Variants in MSH4 observed in about 807,000 individuals in gnomAD.
The protein encoded by MSH4 is mutS homolog 4, also known as mutS protein homolog 4.
A neutral mutation model predicts 113.7 loss-of-function variants in MSH4; 106 were observed. The ratio of observed to expected loss-of-function variants is 0.93; its 90% CI spans 0.80 to 1.10. MSH4 has a LOEUF of 1.10. Among genes scored for constraint, MSH4 ranks in the 50% least tolerant of loss-of-function variants. The pLI is 0.00. For synonymous variants in MSH4, 368 were observed against 380.2 expected (o/e 0.97, Z 0.37); for missense variants, 1,061 against 1,093.7 (o/e 0.97, Z 0.42).
chr1:75,894,113 C>T (rs1652320514), intron 17 of MSH4, among the ~76,000 whole-genome samples: 1 of 152,132 alleles, frequency 6.6e-6, no homozygotes, highest in Non-Finnish European at 1.5e-5. Context: ...TCTGTTGTCA[C>T]TCTTCTATAT....
chr1:75,866,668 A>G (rs1039306105), intron 8 of MSH4, among the ~76,000 whole-genome samples: 6 of 152,084 alleles, frequency 3.9e-5, no homozygotes, highest in African/African-American at 1.4e-4. Context: ...CAGTGGGGCT[A>G]TAGACCACGG....
At chr1:75,805,955 G>A (rs1650050110) in intron 2 of MSH4, among the ~76,000 whole-genome samples, 1 of 151,928 alleles carries the variant, frequency 6.6e-6, no homozygotes, top group African/African-American at 2.4e-5. Flanking sequence ...TATTAACAAT[G>A]TGTAAGAGTC....
At chr1:75,828,301 T>C (rs1650601942) in intron 7 of MSH4, among the ~76,000 whole-genome samples, 1 of 152,184 alleles carries the variant, frequency 6.6e-6, no homozygotes, top group East Asian at 1.9e-4. Flanking sequence ...GCAATCCCAT[T>C]ACTGGATATA....
chr1:75,878,064 TATC>T (rs1651852749), intron 10 of MSH4, 82 bp from the exon 11 acceptor site: 2 of 999,042 alleles, frequency 2.0e-6, no homozygotes, highest in Non-Finnish European at 2.9e-6. Context: ...AAAAATTTGC[TATC>T]ATCAATTGTG....
chr1:75,832,659 C>T (rs1650728463), intron 7 of MSH4, among the ~76,000 whole-genome samples: 2 of 152,134 alleles, frequency 1.3e-5, no homozygotes, highest in Non-Finnish European at 2.9e-5. Context: ...CGTAATCCAT[C>T]ACATAAACAG....
chr1:75,820,386 A>T (rs1307686788), intron 6 of MSH4, among the ~76,000 whole-genome samples: 2 of 152,226 alleles, frequency 1.3e-5, no homozygotes, highest in Non-Finnish European at 2.9e-5. Context: ...ATAGTTTCAG[A>T]AGGAATGGTA....
At chr1:75,885,413 C>T in intron 15 of MSH4, among the ~76,000 whole-genome samples, 1 of 123,028 alleles carries the variant, frequency 8.1e-6, no homozygotes, top group African/African-American at 3.1e-5. Context: ...CTCCACCTCC[C>T]ACCTCAGTTG....
At chr1:75,890,133 T>G (rs1476540844) in intron 16 of MSH4, among the ~76,000 whole-genome samples, 3 of 152,052 alleles carry the variant, frequency 2.0e-5, no homozygotes, top group Non-Finnish European at 4.4e-5. Context: ...ATTCTATTTT[T>G]GAGAAAGAGG....
At chr1:75,885,785 T>C (rs1260590508) in intron 15 of MSH4, among the ~76,000 whole-genome samples, 2 of 116,832 alleles carry the variant, frequency 1.7e-5, no homozygotes, top group Non-Finnish European at 3.2e-5. Context: ...TATTATATAG[T>C]ATATATACTA....
chr1:75,807,213 C>A, intron 3 of MSH4, 72 bp downstream of exon 3: 1 of 1,240,922 alleles, frequency 8.1e-7, no homozygotes, highest in Non-Finnish European at 1.1e-6. Context: ...AGTGCCTTCC[C>A]AATTTGTTTA....
At chr1:75,908,626 C>T (rs1652720905) in intron 19 of MSH4, among the ~76,000 whole-genome samples, 1 of 152,190 alleles carries the variant, frequency 6.6e-6, no homozygotes, top group Non-Finnish European at 1.5e-5. Flanking sequence ...TTGGGGAGAT[C>T]ATAGTTTCCT....
chr1:75,810,480 C>T (rs1650167975), intron 3 of MSH4, among the ~76,000 whole-genome samples: 1 of 147,264 alleles, frequency 6.8e-6, no homozygotes, highest in Non-Finnish European at 1.5e-5. Flanking sequence ...GTCTCGAACT[C>T]CTGGCCTCAA....
chr1:75,878,945 T>C (rs769182321), intron 11 of MSH4, 47 bp from the exon 12 acceptor site: 1 of 1,531,772 alleles, frequency 6.5e-7, no homozygotes, highest in Non-Finnish European at 9.0e-7. Flanking sequence ...CTCATTAAAA[T>C]TTATTCATTT....
In MSH4 at chr1:75,837,386, CTTTT is replaced by C. The variant is rs34812368; in HGVS notation, c.1163-10806_1163-10803del. On this transcript the variant is annotated intron_variant, in intron 7 of 19. Coordinates refer to ENST00000263187, the MANE Select transcript of MSH4 (RefSeq NM_002440.4). The stretch of plus-strand genomic sequence containing the variant: ...AAACTTAATGTACCCAAATTGTGCC[CTTTT>C]TTTTTTTTTTTTTTTTGAGACGGAG... Among the ~76,000 whole-genome samples, 50 of 106,600 alleles carry C rather than the reference CTTTT, an allele frequency of 4.7e-4. 1 individual carries two copies. Among genetic ancestry groups the C allele is most frequent in the African/African-American group, 1.4e-3 (42 of 29,068 alleles). 69.9% of individuals were successfully genotyped at this position (106,600 alleles called of 152,430 possible).
intron 8 of MSH4, among the ~76,000 whole-genome samples, chr1:75,863,777 C>A (rs1651509249): frequency 6.6e-6 from 1 of 152,144 alleles, no homozygotes; most frequent in Non-Finnish European, 1.5e-5. Context: ...TCATTTTCTT[C>A]TTTTGCCTTC....
intron 19 of MSH4, among the ~76,000 whole-genome samples, chr1:75,908,631 T>C (rs1235842119): frequency 6.6e-6 from 1 of 152,230 alleles, no homozygotes; most frequent in Non-Finnish European, 1.5e-5. Context: ...GAGATCATAG[T>C]TTCCTGTTTG....
intron 18 of MSH4, among the ~76,000 whole-genome samples, chr1:75,899,332 T>C (rs1310111218): frequency 6.6e-6 from 1 of 152,182 alleles, no homozygotes; most frequent in Admixed American, 6.5e-5. Flanking sequence ...TTCAATATTA[T>C]TATTTTCTAA....
intron 7 of MSH4, among the ~76,000 whole-genome samples, chr1:75,829,520 C>A (rs1650635475): frequency 6.6e-6 from 1 of 152,354 alleles, no homozygotes; most frequent in East Asian, 1.9e-4. Context: ...AGTAGCCTAA[C>A]TGGGAGGCAT....
chr1:75,853,944 G>A (rs1651251855), intron 8 of MSH4, among the ~76,000 whole-genome samples: 1 of 146,402 alleles, frequency 6.8e-6, no homozygotes, highest in Non-Finnish European at 1.5e-5. Flanking sequence ...TGAGCACCAG[G>A]TGTACTTATT....
Sources: gnomAD v4.1 joint callset for allele counts (sites outside exome capture counted in the v4.1 genomes callset) on GRCh38, gnomAD v4.1.1 for gene constraint, MANE v1.5 for transcripts, NCBI Gene and HGNC (gene_info 2026-07-23, HGNC 2026-07-21) for gene names.